The following MAF variants were observed in gnomAD, a reference collection of about 807,000 sequenced individuals.
The protein encoded by MAF is MAF bZIP transcription factor, also known as transcription factor Maf.
A neutral mutation model predicts 22.0 loss-of-function variants in MAF; 10 were observed. The observed-to-expected ratio is 0.45, with a 90% CI of 0.28 to 0.77. The LOEUF (loss-of-function observed/expected upper bound fraction) is 0.77, where lower values mean the gene tolerates loss of function less well. MAF is among the 30% of genes least tolerant of loss of function. The pLI, the probability that MAF is intolerant of heterozygous loss-of-function variation, is 0.12. For synonymous variants in MAF, 337 were observed against 255.8 expected (o/e 1.32, Z -3.03); for missense variants, 544 against 548.4 (o/e 0.99, Z 0.08).
At chr16:79,463,402 C>G in the MAF span, among the ~76,000 whole-genome samples, 1 of 152,234 alleles carries the variant, frequency 6.6e-6, no homozygotes, top group Non-Finnish European at 1.5e-5. Context: ...AGTTTCCCTT[C>G]CAGCCCTGTT....
the MAF span, among the ~76,000 whole-genome samples, chr16:79,526,385 G>A: frequency 1.2e-4 from 19 of 152,146 alleles, no homozygotes; most frequent in African/African-American, 3.9e-4. Context: ...CTGATTTGAC[G>A]GGAGGCAGAG....
chr16:79,404,164 C>CTTTTT, the MAF span, among the ~76,000 whole-genome samples: 4,872 of 121,798 alleles, frequency 0.04, 291 homozygotes, highest in African/African-American at 0.12. Flanking sequence ...TCTGGATTTT[C>CTTTTT]TTTTTTTTTT....
the MAF span, among the ~76,000 whole-genome samples, chr16:79,497,383 C>T: frequency 6.6e-6 from 1 of 152,200 alleles, no homozygotes; most frequent in Non-Finnish European, 1.5e-5. Flanking sequence ...CACCCCACTC[C>T]ACCCGCCTGC....
At chr16:79,490,563 C>T in the MAF span, among the ~76,000 whole-genome samples, 1 of 152,046 alleles carries the variant, frequency 6.6e-6, no homozygotes, top group Admixed American at 6.6e-5. Flanking sequence ...AAACAGATAC[C>T]TCAGATATAT....
the MAF span, among the ~76,000 whole-genome samples, chr16:79,574,844 T>A: frequency 0.07 from 10,711 of 152,168 alleles, 530 homozygotes; most frequent in Middle Eastern, 0.16. Context: ...GCAAAGCAAC[T>A]GTTCATCCCT....
chr16:79,461,273 C>A, the MAF span, among the ~76,000 whole-genome samples: 1 of 152,172 alleles, frequency 6.6e-6, no homozygotes, highest in East Asian at 1.9e-4. Context: ...ACTATACAAA[C>A]AGCCTCCAAA....
At chr16:79,482,963 TCTGTCCC>T in the MAF span, among the ~76,000 whole-genome samples, 3 of 58,786 alleles carry the variant, frequency 5.1e-5, no homozygotes, top group African/African-American at 7.4e-5. Context: ...CCTCCCTCCC[TCTGTCCC>T]TCCTTCCCTC....
At position 79,600,085 on chromosome 16, in the gene MAF, G is replaced by A. The variant is rs1597849778; in HGVS notation, c.-183C>T. ...GCTCACACACACACCCCCCCGCCCT[G>A]CCCGCGCCCCCCGCGCCCGCCCTCC... On this transcript the variant is annotated 5_prime_UTR_variant, in exon 1 of 2. Transcript: ENST00000326043. 10 of 701,168 alleles carry A rather than the reference G, an allele frequency of 1.4e-5. No homozygotes were observed. In the Admixed American group the frequency reaches 2.9e-4, roughly 21 times the overall value. 43.4% of individuals were successfully genotyped at this position (701,168 alleles called of 1,614,324 possible). A position where few individuals can be genotyped will look rare whatever the true frequency, so the allele number is the denominator to read the frequency against.
At chr16:79,435,529 C>G in the MAF span, among the ~76,000 whole-genome samples, 1 of 152,286 alleles carries the variant, frequency 6.6e-6, no homozygotes, top group East Asian at 1.9e-4. Flanking sequence ...TGCCTTACAA[C>G]CAGGCCATGA....
chr16:79,239,261 G>T, the MAF span, among the ~76,000 whole-genome samples: 1 of 152,002 alleles, frequency 6.6e-6, no homozygotes, highest in Non-Finnish European at 1.5e-5. Context: ...TAGTTTGTGC[G>T]CAGTGATTGA....
chr16:79,449,208 C>T, the MAF span, among the ~76,000 whole-genome samples: 8 of 152,270 alleles, frequency 5.3e-5, no homozygotes, highest in East Asian at 1.9e-4. Context: ...TGCCAAGTGA[C>T]GAGGAGTGGC....
chr16:79,206,676 C>T, the MAF span: 2 of 151,792 alleles, frequency 1.3e-5, no homozygotes, highest in African/African-American at 2.4e-5. Context: ...TTCTCGTCTG[C>T]TGCTTCCCAT....
the MAF span, among the ~76,000 whole-genome samples, chr16:79,289,871 G>A: frequency 8.0e-4 from 3 of 3,738 alleles, no homozygotes; most frequent in East Asian, 0.015. Context: ...TTTTTTTTGT[G>A]AGACGGAGTC....
At chr16:79,494,621 A>C in the MAF span, among the ~76,000 whole-genome samples, 1 of 152,096 alleles carries the variant, frequency 6.6e-6, no homozygotes, top group Non-Finnish European at 1.5e-5. Flanking sequence ...AAACCCCACT[A>C]TTTCTCCACA....
the MAF span, among the ~76,000 whole-genome samples, chr16:79,466,279 C>T: frequency 1.3e-5 from 2 of 152,262 alleles, no homozygotes; most frequent in African/African-American, 4.8e-5. Context: ...TGGCAGGCTG[C>T]AGGGTGACAT....
the MAF span, among the ~76,000 whole-genome samples, chr16:79,413,405 G>A: frequency 9.5e-6 from 1 of 105,640 alleles, no homozygotes; most frequent in Non-Finnish European, 2.0e-5. Context: ...CACCTCGCCC[G>A]GCTAATTTTT....
chr16:79,254,331 T>TTTC, the MAF span, among the ~76,000 whole-genome samples: 1 of 152,140 alleles, frequency 6.6e-6, no homozygotes, highest in Non-Finnish European at 1.5e-5. Context: ...CATCAATATT[T>TTTC]TTCTTTGTTA....
At chr16:79,403,101 T>A in the MAF span, among the ~76,000 whole-genome samples, 1 of 152,330 alleles carries the variant, frequency 6.6e-6, no homozygotes, top group Middle Eastern at 3.4e-3. Flanking sequence ...AGTTCTCTTA[T>A]CTGTGAAATG....
At chr16:79,444,882 G>C in the MAF span, among the ~76,000 whole-genome samples, 2 of 152,154 alleles carry the variant, frequency 1.3e-5, no homozygotes, top group Non-Finnish European at 2.9e-5. Flanking sequence ...CATGGGCCAA[G>C]AGGATCAACA....
Sources: allele counts gnomAD v4.1 joint callset (sites outside exome capture counted in the v4.1 genomes callset), GRCh38; gene constraint gnomAD v4.1.1; transcripts MANE v1.5; gene names NCBI Gene and HGNC (gene_info 2026-07-23, HGNC 2026-07-21).